The following IL1RAPL2 variants were observed in gnomAD, a reference collection of about 807,000 sequenced individuals.
IL1RAPL2 encodes the protein interleukin 1 receptor accessory protein like 2, also known as X-linked interleukin-1 receptor accessory protein-like 2.
IL1RAPL2 carries 3 observed loss-of-function variants against 44.1 expected under a neutral mutation model. The observed-to-expected ratio is 0.07, with a 90% CI of 0.03 to 0.18. The LOEUF (loss-of-function observed/expected upper bound fraction) is 0.18. Ranked by LOEUF, IL1RAPL2 falls within the 10% of genes least tolerant of loss-of-function variation. The pLI, the probability that IL1RAPL2 is intolerant of heterozygous loss-of-function variation, is 1.00. For synonymous variants in IL1RAPL2, 181 were observed against 178.8 expected (o/e 1.01, Z -0.10); for missense variants, 391 against 496.4 (o/e 0.79, Z 2.02).
chrX:104,973,510 A>T (rs191967562), intron 2 of IL1RAPL2, among the ~76,000 whole-genome samples: 1 of 112,046 alleles, frequency 8.9e-6, no homozygotes, highest in Admixed American at 9.5e-5. Flanking sequence ...ACAGGAGCCG[A>T]CAAAAAAGCT....
At chrX:105,162,806 C>G (rs1361180415) in intron 2 of IL1RAPL2, among the ~76,000 whole-genome samples, 1 of 111,269 alleles carries the variant, frequency 9.0e-6, no homozygotes, top group Non-Finnish European at 1.9e-5. Context: ...ATCAAGGCAC[C>G]AGCAGATTTG....
chrX:104,859,570 T>G (rs1922445336), intron 2 of IL1RAPL2, among the ~76,000 whole-genome samples: 1 of 111,945 alleles, frequency 8.9e-6, no homozygotes, highest in Admixed American at 9.5e-5. Context: ...GTACAATCCC[T>G]GGATCCCAAT....
chrX:104,906,212 A>G (rs1242956264), intron 2 of IL1RAPL2, among the ~76,000 whole-genome samples: 12 of 111,344 alleles, frequency 1.1e-4, no homozygotes, highest in East Asian at 5.7e-4. Flanking sequence ...GGGCTGAGAC[A>G]ATGGGGTTTT....
At chrX:105,667,377 T>C (rs952503437) in intron 6 of IL1RAPL2, among the ~76,000 whole-genome samples, 3 of 112,355 alleles carry the variant, frequency 2.7e-5, no homozygotes, top group Non-Finnish European at 5.6e-5. Context: ...TCTTCACTTC[T>C]TTGTAAATGG....
chrX:105,669,623 A>G (rs2037800308), intron 6 of IL1RAPL2, among the ~76,000 whole-genome samples: 1 of 111,272 alleles, frequency 9.0e-6, no homozygotes, highest in Non-Finnish European at 1.9e-5. Flanking sequence ...CTCTTTACCC[A>G]GTTTTCCCCA....
chrX:105,440,328 TTAAC>T (rs2035911861), intron 5 of IL1RAPL2, among the ~76,000 whole-genome samples: 1 of 112,368 alleles, frequency 8.9e-6, no homozygotes, highest in Admixed American at 9.5e-5. Context: ...ATGGCATAAT[TTAAC>T]TATATTAATA....
chrX:104,605,202 G>A (rs938708066), intron 1 of IL1RAPL2, among the ~76,000 whole-genome samples: 20 of 111,371 alleles, frequency 1.8e-4, no homozygotes, highest in African/African-American at 5.5e-4. Context: ...ACTGAACAAC[G>A]TGCTCCTGAA....
intron 2 of IL1RAPL2, among the ~76,000 whole-genome samples, chrX:105,181,732 A>G (rs2033532372): frequency 9.0e-6 from 1 of 111,365 alleles, no homozygotes; most frequent in Non-Finnish European, 1.9e-5. Flanking sequence ...GTGGCCTAAC[A>G]TACCATCTAT....
intron 6 of IL1RAPL2, among the ~76,000 whole-genome samples, chrX:105,661,292 G>A (rs1308342979): frequency 8.9e-6 from 1 of 111,960 alleles, no homozygotes; most frequent in Admixed American, 9.4e-5. Context: ...TATTACTAGA[G>A]ATAAACAGAG....
chrX:105,286,247 C>T (rs2034569773), intron 5 of IL1RAPL2, among the ~76,000 whole-genome samples: 1 of 110,446 alleles, frequency 9.1e-6, no homozygotes, highest in Non-Finnish European at 1.9e-5. Context: ...ACCATTTACC[C>T]CCTGGATGAC....
intron 5 of IL1RAPL2, among the ~76,000 whole-genome samples, chrX:105,377,257 T>G (rs1202352302): frequency 9.0e-6 from 1 of 111,592 alleles, no homozygotes; most frequent in East Asian, 2.8e-4. Flanking sequence ...GATCTAATCA[T>G]TTCTTCAAAT....
intron 6 of IL1RAPL2, among the ~76,000 whole-genome samples, chrX:105,680,189 C>T (rs1461153352): frequency 2.7e-5 from 3 of 111,442 alleles, no homozygotes; most frequent in East Asian, 5.7e-4. Context: ...TAAGTAGAGA[C>T]GGTGTTTCAC....
chrX:105,325,755 A>G (rs1305543815), intron 5 of IL1RAPL2, among the ~76,000 whole-genome samples: 1 of 108,847 alleles, frequency 9.2e-6, no homozygotes, highest in Non-Finnish European at 1.9e-5. Flanking sequence ...TGTCTTTTTA[A>G]TTATAACCAT....
chrX:104,948,025 A>G (rs1442726418), intron 2 of IL1RAPL2, among the ~76,000 whole-genome samples: 64 of 110,729 alleles, frequency 5.8e-4, no homozygotes, highest in Middle Eastern at 4.7e-3. Context: ...CAATTTTCAC[A>G]ATATTGATTC....
intron 2 of IL1RAPL2, among the ~76,000 whole-genome samples, chrX:104,787,508 A>G (rs1227783319): frequency 1.8e-5 from 2 of 111,700 alleles, no homozygotes; most frequent in African/African-American, 6.5e-5. Context: ...TCAAGAATGA[A>G]GAACAGATGA....
intron 2 of IL1RAPL2, among the ~76,000 whole-genome samples, chrX:105,158,892 T>A (rs1348262352): frequency 1.8e-5 from 2 of 111,416 alleles, no homozygotes; most frequent in African/African-American, 3.3e-5. Context: ...GTCTCGGCAT[T>A]CCGCACCATA....
At chrX:105,483,045 T>TA (rs5903267) in intron 5 of IL1RAPL2, among the ~76,000 whole-genome samples, 223 of 96,985 alleles carry the variant, frequency 2.3e-3, no homozygotes, top group South Asian at 9.7e-3. Flanking sequence ...GTCCTCTCAT[T>TA]AAAAAAAAAA....
At chrX:105,471,946 A>G (rs2147770843) in intron 5 of IL1RAPL2, among the ~76,000 whole-genome samples, 1 of 111,006 alleles carries the variant, frequency 9.0e-6, no homozygotes, top group South Asian at 3.8e-4. Flanking sequence ...CACTAGATCA[A>G]TTTGTCATAA....
intron 6 of IL1RAPL2, among the ~76,000 whole-genome samples, chrX:105,655,012 T>G (rs956330486): frequency 8.9e-6 from 1 of 112,276 alleles, no homozygotes; most frequent in Non-Finnish European, 1.9e-5. Flanking sequence ...TCAAGAAATT[T>G]TAGATTTGGT....
Sources: gnomAD v4.1 joint callset for allele counts (sites outside exome capture counted in the v4.1 genomes callset) on GRCh38, gnomAD v4.1.1 for gene constraint, MANE v1.5 for transcripts, NCBI Gene and HGNC (gene_info 2026-07-23, HGNC 2026-07-21) for gene names.